The following QTMAN variants were observed in gnomAD, a reference collection of about 807,000 sequenced individuals.
QTMAN encodes queuosine-tRNA mannosyltransferase, also known as tRNA-queuosine alpha-mannosyltransferase.
chr2:144,322,171 T>G, the QTMAN span, among the ~76,000 whole-genome samples: 5 of 152,210 alleles, frequency 3.3e-5, no homozygotes, highest in Non-Finnish European at 4.4e-5. Flanking sequence ...GATTAAAACT[T>G]CAGAACTTTG....
the QTMAN span, among the ~76,000 whole-genome samples, chr2:144,197,241 T>C: frequency 3.9e-5 from 6 of 152,022 alleles, no homozygotes; most frequent in East Asian, 5.8e-4. Flanking sequence ...GGGACCACCA[T>C]TGCACATGCA....
chr2:144,164,330 G>C, the QTMAN span, among the ~76,000 whole-genome samples: 2 of 152,098 alleles, frequency 1.3e-5, no homozygotes, highest in Non-Finnish European at 2.9e-5. Flanking sequence ...GGTGTGAGAT[G>C]TGTAAGGTGC....
the QTMAN span, among the ~76,000 whole-genome samples, chr2:144,284,045 G>C: frequency 2.0e-5 from 3 of 151,776 alleles, no homozygotes; most frequent in African/African-American, 7.2e-5. Context: ...TTTAATCTAA[G>C]ATAGCATAAA....
the QTMAN span, among the ~76,000 whole-genome samples, chr2:144,093,242 A>G: frequency 6.6e-6 from 1 of 152,244 alleles, no homozygotes; most frequent in Non-Finnish European, 1.5e-5. Context: ...GCATACAATC[A>G]AGAGCAGCAA....
At chr2:143,943,719 C>T in the QTMAN span, 1 of 152,184 alleles carries the variant, frequency 6.6e-6, no homozygotes, top group Non-Finnish European at 1.5e-5. Flanking sequence ...ATGGATTCTG[C>T]CTGCCATATT....
At chr2:143,947,484 G>T in the QTMAN span, among the ~76,000 whole-genome samples, 2 of 152,026 alleles carry the variant, frequency 1.3e-5, no homozygotes, top group Non-Finnish European at 2.9e-5. Flanking sequence ...CACAAGACAC[G>T]TAACACTGTA....
chr2:144,263,768 C>A, the QTMAN span, among the ~76,000 whole-genome samples: 2 of 152,100 alleles, frequency 1.3e-5, no homozygotes, highest in African/African-American at 4.8e-5. Context: ...AAGATACTTT[C>A]CAGCTTTAAA....
the QTMAN span, among the ~76,000 whole-genome samples, chr2:144,134,896 T>C: frequency 2.2e-4 from 33 of 152,254 alleles, no homozygotes; most frequent in African/African-American, 6.7e-4. Context: ...ATATTAATTA[T>C]ATGCAACCAT....
At chr2:144,010,062 CAAAA>C in the QTMAN span, among the ~76,000 whole-genome samples, 3 of 74,872 alleles carry the variant, frequency 4.0e-5, no homozygotes, top group Non-Finnish European at 5.9e-5. Context: ...AAGGATTCAC[CAAAA>C]AAAAAAAAAA....
At chr2:144,070,457 A>G in the QTMAN span, among the ~76,000 whole-genome samples, 1 of 152,184 alleles carries the variant, frequency 6.6e-6, no homozygotes, top group African/African-American at 2.4e-5. Context: ...TATCTTCATT[A>G]TAGTACAAGG....
At chr2:143,974,998 G>C in the QTMAN span, among the ~76,000 whole-genome samples, 1 of 152,242 alleles carries the variant, frequency 6.6e-6, no homozygotes, top group Non-Finnish European at 1.5e-5. Context: ...GAGTAGGTAA[G>C]AATGAAACAG....
At chr2:144,194,215 C>T in the QTMAN span, among the ~76,000 whole-genome samples, 20,706 of 152,134 alleles carry the variant, frequency 0.14, 2,119 homozygotes, top group African/African-American at 0.29. Flanking sequence ...TTACAAAATA[C>T]TCCTGGAAGA....
chr2:144,134,809 T>C, the QTMAN span, among the ~76,000 whole-genome samples: 1 of 152,146 alleles, frequency 6.6e-6, no homozygotes, highest in Non-Finnish European at 1.5e-5. Flanking sequence ...TAGCATCCAT[T>C]CATCTCCTCA....
the QTMAN span, among the ~76,000 whole-genome samples, chr2:144,099,471 C>T: frequency 6.6e-6 from 1 of 152,076 alleles, no homozygotes; most frequent in Non-Finnish European, 1.5e-5. Flanking sequence ...TCCAGAGTAA[C>T]GAAAGGACTA....
chr2:144,176,798 G>C, the QTMAN span, among the ~76,000 whole-genome samples: 1 of 152,160 alleles, frequency 6.6e-6, no homozygotes, highest in African/African-American at 2.4e-5. Flanking sequence ...ATGGAAAGCT[G>C]TACCATCTCC....
the QTMAN span, among the ~76,000 whole-genome samples, chr2:144,262,618 G>C: frequency 1.8e-5 from 2 of 112,370 alleles, no homozygotes; most frequent in Admixed American, 1.8e-4. Flanking sequence ...GGGGAGATAG[G>C]AGAGGAAGGG....
the QTMAN span, among the ~76,000 whole-genome samples, chr2:144,167,784 T>C: frequency 6.6e-6 from 1 of 152,174 alleles, no homozygotes; most frequent in Admixed American, 6.6e-5. Flanking sequence ...TTCATAGCAG[T>C]GTGAGAACAG....
chr2:144,219,221 A>T, the QTMAN span, among the ~76,000 whole-genome samples: 1 of 151,880 alleles, frequency 6.6e-6, no homozygotes, highest in Non-Finnish European at 1.5e-5. Flanking sequence ...ACCTCCACCT[A>T]CTAGGTTCAA....
the QTMAN span, among the ~76,000 whole-genome samples, chr2:144,169,914 T>A: frequency 6.6e-6 from 1 of 151,974 alleles, no homozygotes; most frequent in Non-Finnish European, 1.5e-5. Context: ...AAAGAAAAAA[T>A]CACTTATAAT....
Sources: allele counts gnomAD v4.1 joint callset (sites outside exome capture counted in the v4.1 genomes callset), GRCh38; gene constraint gnomAD v4.1.1; transcripts MANE v1.5; gene names NCBI Gene and HGNC (gene_info 2026-07-23, HGNC 2026-07-21).